TRAPPC2L: variants seen among roughly 807,000 people sequenced by gnomAD.
TRAPPC2L encodes the protein trafficking protein particle complex subunit 2-like protein.
A neutral mutation model predicts 13.2 loss-of-function variants in TRAPPC2L; 17 were observed. The observed-to-expected ratio is 1.29, with a 90% CI of 0.88 to 1.93. TRAPPC2L has a LOEUF of 1.93. TRAPPC2L is among the 30% of genes most tolerant of loss of function. The pLI, the probability that TRAPPC2L is intolerant of heterozygous loss-of-function variation, is 0.00. For synonymous variants in TRAPPC2L, 150 were observed against 98.1 expected (o/e 1.53, Z -3.12); for missense variants, 359 against 252.1 (o/e 1.42, Z -2.87).
rs375865206 is a variant in TRAPPC2L, at chr16:88,859,754, A to G, written c.294+4A>G. 6.2e-7 allele frequency: 1 copy of G among 1,612,790 alleles called. No homozygotes were observed. Among genetic ancestry groups the G allele is most frequent in the African/African-American group, 1.3e-5 (1 of 74,914 alleles). ...TCGAGACAACGAAATTCGCAGCGTA[A>G]GTCAGGGAGTTAGAGGGCCACGCCC... On this transcript the variant is annotated splice_donor_region_variant and intron_variant, in intron 3 of 3. Transcript: ENST00000565504.
At chr16:88,860,854 C>T (rs1316732189) in exon 4 of TRAPPC2L, 3 of 1,545,634 alleles carry the variant, frequency 1.9e-6, no homozygotes, top group African/African-American at 2.7e-5. Context: ...CCCGGCCCGT[C>T]TCTGAGCAGA....
chr16:88,860,909 A>G lies in TRAPPC2L; in HGVS notation c.*585A>G, dbSNP rs1309366058. On this transcript the variant is annotated 3_prime_UTR_variant, in exon 4 of 4. Coordinates refer to ENST00000565504, the Ensembl canonical transcript of TRAPPC2L. ...TCCTCTGAGTGGGTCTGTTTCTCTT[A>G]GCAGGGCCTTTGATAACATGGTGAC... 3 of 1,591,746 alleles carry G rather than the reference A, an allele frequency of 1.9e-6. No homozygotes were observed. The highest frequency in any genetic ancestry group is 1.8e-5 in the Admixed American group (1 of 55,838).
At chr16:88,858,520 C>T (rs1220964547) in intron 1 of TRAPPC2L, 99 bp from the exon 2 acceptor site, 2 of 1,345,696 alleles carry the variant, frequency 1.5e-6, no homozygotes, top group African/African-American at 1.4e-5. Flanking sequence ...GGAATGCGTT[C>T]CCCGGGTGGC....
At chr16:88,859,911 A>G in exon 4 of TRAPPC2L, 2 of 1,554,048 alleles carry the variant, frequency 1.3e-6, no homozygotes, top group Non-Finnish European at 1.7e-6. Flanking sequence ...GAAGCTACAC[A>G]ACTCCTACAC....
At chr16:88,858,852 A>T in intron 2 of TRAPPC2L, 61 bp downstream of exon 2, 2 of 1,533,106 alleles carry the variant, frequency 1.3e-6, no homozygotes, top group South Asian at 2.4e-5. Context: ...GTACTTTAGG[A>T]TCAGATAACT....
exon 4 of TRAPPC2L, chr16:88,860,397 A>G: frequency 1.6e-6 from 1 of 613,130 alleles, no homozygotes. Context: ...CAAAGTAAAC[A>G]GATTTAACTT....
exon 4 of TRAPPC2L, chr16:88,860,531 G>A (rs1471651801): frequency 1.7e-6 from 1 of 594,372 alleles, no homozygotes; most frequent in Non-Finnish European, 3.0e-6. Flanking sequence ...GTGATCCAAG[G>A]CAGGCCCCTC....
chr16:88,858,360 G>A (rs1968124737), intron 1 of TRAPPC2L, among the ~76,000 whole-genome samples: 1 of 152,160 alleles, frequency 6.6e-6, no homozygotes, highest in Non-Finnish European at 1.5e-5. Context: ...GCTGTGCTCA[G>A]GCCCATTTTT....
At chr16:88,858,813 G>A in intron 2 of TRAPPC2L, 22 bp downstream of exon 2, 4 of 1,603,176 alleles carry the variant, frequency 2.5e-6, no homozygotes, top group Non-Finnish European at 3.4e-6. Flanking sequence ...GGCAGGGTGT[G>A]TGTCAGGGAG....
chr16:88,858,739 G>T, exon 2 of TRAPPC2L: 2 of 1,613,466 alleles, frequency 1.2e-6, no homozygotes, highest in Non-Finnish European at 8.5e-7. Context: ...GGCCCTGGTC[G>T]ACCAGAGGGA....
intron 2 of TRAPPC2L, 62 bp from the exon 3 acceptor site, chr16:88,859,601 C>T: frequency 6.7e-7 from 1 of 1,500,054 alleles, no homozygotes. Flanking sequence ...AGTGAGGGCC[C>T]ACAGAGGGCC....
chr16:88,859,317 C>G (rs1202012608), intron 2 of TRAPPC2L: 5 of 650,870 alleles, frequency 7.7e-6, no homozygotes, highest in Non-Finnish European at 1.1e-5. Context: ...GGGGATCCGC[C>G]TTGTTCACGA....
Position 88,859,489 on chromosome 16 carries a change from C to T in TRAPPC2L, c.207-174C>T, listed in dbSNP as rs3784875. On this transcript the variant is annotated intron_variant, in intron 2 of 3. Transcript: ENST00000565504. ...CTTCGCTTCTCCTGCAAACACCAGA[C>T]GTCGCCCTAGCAAAGTATTTAGGCT... is the stretch of plus-strand genomic sequence containing the variant. 1.0e-3 allele frequency: 754 copies of T among 730,484 alleles called. 5 individuals are homozygous for T. In the East Asian group the frequency reaches 0.017, roughly 17 times the overall value. 45.3% of individuals were successfully genotyped at this position (730,484 alleles called of 1,614,324 possible).
upstream of TRAPPC2L, chr16:88,856,941 T>A: frequency 1.4e-6 from 2 of 1,461,216 alleles, no homozygotes; most frequent in South Asian, 1.3e-5. Context: ...CGCCGGCCCT[T>A]CCGGCTGGGC....
At chr16:88,859,611 C>T (rs551189197) in intron 2 of TRAPPC2L, 52 bp from the exon 3 acceptor site, 1 of 1,546,184 alleles carries the variant, frequency 6.5e-7, no homozygotes, top group Non-Finnish European at 8.9e-7. Flanking sequence ...CACAGAGGGC[C>T]CTCCACCGGC....
chr16:88,858,940 C>T (rs1216781051), intron 2 of TRAPPC2L, 149 bp downstream of exon 2: 10 of 754,590 alleles, frequency 1.3e-5, no homozygotes, highest in Non-Finnish European at 1.9e-5. Context: ...GAATGAAGGC[C>T]TGTAACTCTT....
chr16:88,861,261 T>C, exon 4 of TRAPPC2L: 2 of 440,954 alleles, frequency 4.5e-6, no homozygotes, highest in Admixed American at 7.1e-5. Context: ...CAGGGGTGCC[T>C]GGAGCCAAGA....
Position 88,857,156 on chromosome 16 carries a change from G to A in TRAPPC2L, c.6G>A (p.Ala2=), listed in dbSNP as rs780534219. The stretch of plus-strand genomic sequence containing the variant: ...CTGGCGCCGAGCCTCCCAAGATGGC[G>A]GTGTGCATCGCGGTGATTGCCAAGG... The change falls in exon 1 of 4, where the codon GCG becomes GCA. Residue 2 remains alanine, a synonymous_variant. Transcript: ENST00000565504. 3.7e-5 allele frequency: 59 copies of A among 1,583,158 alleles called. 2 individuals carry two copies. The South Asian group carries it at 4.2e-4, about 11-fold the overall frequency.
At chr16:88,856,916 G>T, upstream of TRAPPC2L, 5 of 1,486,828 alleles carry the variant, frequency 3.4e-6, no homozygotes, top group South Asian at 2.5e-5. Context: ...CCAGCGAGCC[G>T]ACCTAGCGAG....
Sources: allele counts gnomAD v4.1 joint callset (sites outside exome capture counted in the v4.1 genomes callset), GRCh38; gene constraint gnomAD v4.1.1; transcripts MANE v1.5; gene names NCBI Gene and HGNC (gene_info 2026-07-23, HGNC 2026-07-21).